SDCCAG8: variants seen among roughly 807,000 people sequenced by gnomAD.
SDCCAG8 encodes SHH signaling and ciliogenesis regulator SDCCAG8.
Under a neutral mutation model 101.8 loss-of-function variants are expected in SDCCAG8, and 74 were observed. The observed-to-expected ratio is 0.73, with a 90% CI of 0.60 to 0.88. SDCCAG8 has a LOEUF of 0.88. Ranked by LOEUF, SDCCAG8 falls within the 40% of genes least tolerant of loss-of-function variation. The pLI, the probability that SDCCAG8 is intolerant of heterozygous loss-of-function variation, is 0.00. For missense variants in SDCCAG8, 787 were observed against 822.6 expected, an observed-to-expected ratio of 0.96 and a Z score of 0.53; for synonymous variants, 281 against 292.9, an observed-to-expected ratio of 0.96 and a Z score of 0.41.
At chr1:243,260,259 A>ATCCTGGGTG (rs2067102958) in intron 1 of SDCCAG8, among the ~76,000 whole-genome samples, 1 of 152,214 alleles carries the variant, frequency 6.6e-6, no homozygotes, top group Admixed American at 6.5e-5. Flanking sequence ...TGTCCTGGGT[A>ATCCTGGGTG]TCCTGGGAAC....
chr1:243,318,461 G>C (rs1370230201), intron 9 of SDCCAG8: 1 of 568,666 alleles, frequency 1.8e-6, no homozygotes, highest in Non-Finnish European at 2.2e-6. Flanking sequence ...CGTGACATGA[G>C]TTTGCCTATG....
At chr1:243,421,696 G>T (rs1247585100) in intron 15 of SDCCAG8, among the ~76,000 whole-genome samples, 1 of 152,184 alleles carries the variant, frequency 6.6e-6, no homozygotes, top group Non-Finnish European at 1.5e-5. Context: ...CATCAGGCAA[G>T]AGAATTAATT....
chr1:243,407,490 G>A (rs888325769), intron 13 of SDCCAG8, among the ~76,000 whole-genome samples: 8 of 152,184 alleles, frequency 5.3e-5, no homozygotes, highest in Non-Finnish European at 1.2e-4. Flanking sequence ...GGAGTTGATA[G>A]AGTCTGTGGT....
intron 16 of SDCCAG8, among the ~76,000 whole-genome samples, chr1:243,438,240 G>A (rs2082279196): frequency 6.6e-6 from 1 of 152,088 alleles, no homozygotes; most frequent in Non-Finnish European, 1.5e-5. Flanking sequence ...TGTGTTTGGG[G>A]CTCCCATGGA....
intron 16 of SDCCAG8, among the ~76,000 whole-genome samples, chr1:243,449,223 G>A (rs1270612300): frequency 1.3e-5 from 2 of 152,170 alleles, no homozygotes; most frequent in African/African-American, 4.8e-5. Flanking sequence ...TTCAAGGTTT[G>A]TAGGTCATGC....
At chr1:243,346,578 A>T (rs912043758) in intron 12 of SDCCAG8, among the ~76,000 whole-genome samples, 1 of 152,194 alleles carries the variant, frequency 6.6e-6, no homozygotes, top group Non-Finnish European at 1.5e-5. Context: ...CACCAAAATA[A>T]TTTTCCTTGT....
chr1:243,413,489 A>G (rs146677563), intron 13 of SDCCAG8, among the ~76,000 whole-genome samples: 4 of 152,280 alleles, frequency 2.6e-5, no homozygotes, highest in African/African-American at 9.6e-5. Context: ...TACAGATGTG[A>G]GCCACCGTGC....
intron 16 of SDCCAG8, among the ~76,000 whole-genome samples, chr1:243,440,457 C>G (rs189328522): frequency 1.3e-5 from 2 of 152,220 alleles, no homozygotes; most frequent in East Asian, 3.9e-4. Context: ...CAAGGCAGAC[C>G]CTTTTCACCT....
In SDCCAG8 at chr1:243,263,502, G is replaced by T. The variant is rs79523154; in HGVS notation, c.68-6603G>T. Among the ~76,000 whole-genome samples, 1,207 of 139,714 alleles carry T rather than the reference G, an allele frequency of 8.6e-3. 15 individuals are homozygous for T. Among genetic ancestry groups the T allele is most frequent in the African/African-American group, 0.029 (1,130 of 39,342 alleles). The allele number at this position is 139,714 out of a possible 152,430, so 91.7% of individuals were successfully genotyped here. ...TTTACCTATGTTCTTTGCCAGCCTG[G>T]CTAGGTTTACTTCTTTTATCAGTGG... On this transcript the variant is annotated intron_variant, in intron 1 of 17. Coordinates refer to ENST00000366541, the MANE Select transcript of SDCCAG8 (RefSeq NM_006642.5).
At chr1:243,463,347 G>T (rs1263760585) in intron 16 of SDCCAG8, among the ~76,000 whole-genome samples, 4 of 152,370 alleles carry the variant, frequency 2.6e-5, no homozygotes, top group Non-Finnish European at 5.9e-5. Context: ...GGAGAATAAG[G>T]CCCTTTCTCT....
intron 4 of SDCCAG8, among the ~76,000 whole-genome samples, chr1:243,279,681 C>T (rs1471412745): frequency 6.6e-6 from 1 of 152,202 alleles, no homozygotes; most frequent in Non-Finnish European, 1.5e-5. Context: ...TTCTTCTCAA[C>T]ATTGTTGATA....
chr1:243,282,093 C>T (rs891706270), intron 4 of SDCCAG8, among the ~76,000 whole-genome samples: 2 of 152,316 alleles, frequency 1.3e-5, no homozygotes, highest in South Asian at 2.1e-4. Flanking sequence ...AATCAATTCT[C>T]ATGCCTCAGC....
intron 16 of SDCCAG8, among the ~76,000 whole-genome samples, chr1:243,439,345 C>T (rs1003451294): frequency 7.2e-5 from 11 of 151,932 alleles, no homozygotes; most frequent in East Asian, 1.9e-4. Flanking sequence ...ATCATCTGGC[C>T]GGCCGCAGTG....
chr1:243,420,195 A>C (rs1409610523), intron 15 of SDCCAG8, among the ~76,000 whole-genome samples: 1 of 152,204 alleles, frequency 6.6e-6, no homozygotes, highest in Non-Finnish European at 1.5e-5. Context: ...GGAGCTTTGT[A>C]ACCTTGGGTA....
At chr1:243,336,805 A>G (rs2075044403) in intron 10 of SDCCAG8, among the ~76,000 whole-genome samples, 1 of 152,122 alleles carries the variant, frequency 6.6e-6, no homozygotes, top group African/African-American at 2.4e-5. Context: ...TATTCTTTTG[A>G]GAAGTGTCTG....
chr1:243,314,400 C>T (rs1228764769), intron 8 of SDCCAG8, among the ~76,000 whole-genome samples: 3 of 152,174 alleles, frequency 2.0e-5, no homozygotes, highest in Admixed American at 6.5e-5. Context: ...TGAACCAGAA[C>T]GACTGAACTC....
intron 4 of SDCCAG8, among the ~76,000 whole-genome samples, chr1:243,278,084 C>G (rs2068724449): frequency 6.6e-6 from 1 of 152,206 alleles, no homozygotes; most frequent in Admixed American, 6.5e-5. Flanking sequence ...TTGGGAATAA[C>G]TGGCATTTTG....
At chr1:243,400,453 T>G (rs774237904) in intron 13 of SDCCAG8, among the ~76,000 whole-genome samples, 1 of 152,176 alleles carries the variant, frequency 6.6e-6, no homozygotes, top group African/African-American at 2.4e-5. Flanking sequence ...CAACTTCACT[T>G]TCATTAGAAC....
intron 9 of SDCCAG8, among the ~76,000 whole-genome samples, chr1:243,328,057 C>T (rs567054680): frequency 2.6e-5 from 4 of 151,950 alleles, no homozygotes; most frequent in African/African-American, 9.7e-5. Context: ...TGCCCGCCGC[C>T]ACACCCGGCT....
Sources: allele counts gnomAD v4.1 joint callset (sites outside exome capture counted in the v4.1 genomes callset), GRCh38; gene constraint gnomAD v4.1.1; transcripts MANE v1.5; gene names NCBI Gene and HGNC (gene_info 2026-07-23, HGNC 2026-07-21).